DNAH17: variants seen among roughly 807,000 people sequenced by gnomAD.
DNAH17 encodes dynein axonemal heavy chain 17, also known as axonemal beta dynein heavy chain 17.
A neutral mutation model predicts 485.6 loss-of-function variants in DNAH17; 376 were observed. The ratio of observed to expected loss-of-function variants is 0.77; its 90% CI spans 0.71 to 0.84. The LOEUF (loss-of-function observed/expected upper bound fraction) is 0.84. DNAH17 is among the 40% of genes least tolerant of loss of function. The pLI is 0.00. For missense variants in DNAH17, 6,370 were observed against 5,839.3 expected, an observed-to-expected ratio of 1.09 and a Z score of -2.96; for synonymous variants, 3,031 against 2,405.9, an observed-to-expected ratio of 1.26 and a Z score of -7.60.
chr17:78,476,584 C>CT lies in DNAH17; in HGVS notation c.8141dup (p.Lys2715GlufsTer4). The CT allele has an allele frequency of 6.2e-7, 1 of 1,610,358 alleles. No individual in the cohort carries two copies. Among genetic ancestry groups the CT allele is most frequent in the Non-Finnish European group, 8.5e-7 (1 of 1,178,294 alleles). ...CAGCTTGACTTACATCAAAGAACTT[C>CT]TTGGTGGAGGCCATGGTGACTCTAT... On this transcript the variant is annotated frameshift_variant, in exon 52 of 81. Coordinates refer to ENST00000389840, the MANE Select transcript of DNAH17 (RefSeq NM_173628.4). LOFTEE classifies it high-confidence loss of function.
chr17:78,480,146 C>T (rs920876397), intron 49 of DNAH17, among the ~76,000 whole-genome samples: 7 of 145,540 alleles, frequency 4.8e-5, no homozygotes, highest in South Asian at 2.2e-4. Flanking sequence ...GTCAGAAGTT[C>T]GAGACCAGCC....
rs116303085 is a variant in DNAH17, at chr17:78,426,174, C to T, written c.12915+283G>A. Among the ~76,000 whole-genome samples the T allele has an allele frequency of 4.7e-3, 715 of 152,314 alleles. 10 individuals are homozygous for T. The highest frequency in any genetic ancestry group is 0.017 in the African/African-American group (686 of 41,560). On this transcript the variant is annotated intron_variant, in intron 79 of 80. Transcript: ENST00000389840. ...AAAGAGGCTCTTGCCTTCATTGCCT[C>T]GCTCCTTATAGAGGACGGCTTACCC...
intron 52 of DNAH17, 153 bp from the exon 53 acceptor site, chr17:78,475,986 GC>G: frequency 1.2e-6 from 1 of 834,158 alleles, no homozygotes; most frequent in Non-Finnish European, 1.8e-6. Context: ...GCTGCCGTGG[GC>G]CCAGCAAACC....
At position 78,458,433 on chromosome 17, in the gene DNAH17, C is replaced by T. The variant is rs565741091; in HGVS notation, c.9977+132G>A. ...CAAGTTTTATCCTAATTACTTTGAG[C>T]TCAAGAAGTGAAAGTGGCAACCTGG... On this transcript the variant is annotated intron_variant, in intron 62 of 80. Transcript: ENST00000389840. The T allele has an allele frequency of 3.5e-5, 25 of 722,768 alleles. No individual in the cohort carries two copies. In the South Asian group the frequency reaches 4.0e-4, roughly 12 times the overall value. The allele number at this position is 722,768 out of a possible 1,614,324, so 44.8% of individuals were successfully genotyped here.
rs2087469445 is a variant in DNAH17, at chr17:78,449,823, A to G, written c.11041-239T>C. On this transcript the variant is annotated intron_variant, in intron 68 of 80. Coordinates refer to ENST00000389840, the MANE Select transcript of DNAH17 (RefSeq NM_173628.4). ...CCTGCCTCAGCCTCCCAAGGCGCAC[A>G]CCACCACACCTGGCTAATTTTTTTT... 9 of 503,792 alleles carry G rather than the reference A, an allele frequency of 1.8e-5. No homozygotes were observed. In the Admixed American group the frequency reaches 2.3e-4, roughly 13 times the overall value. 31.2% of individuals were successfully genotyped at this position (503,792 alleles called of 1,614,324 possible).
Position 78,571,089 on chromosome 17 carries a change from C to A in DNAH17, c.833-56G>T, listed in dbSNP as rs959634921. 2.1e-5 allele frequency: 32 copies of A among 1,490,688 alleles called. No individual in the cohort carries two copies. The Admixed American group carries it at 5.3e-4, about 25-fold the overall frequency. 92.3% of individuals were successfully genotyped at this position (1,490,688 alleles called of 1,614,324 possible). On this transcript the variant is annotated intron_variant, in intron 5 of 80. Coordinates refer to ENST00000389840, the MANE Select transcript of DNAH17 (RefSeq NM_173628.4). ...TAAGAGAGCAGAAATTGCTCAGAAA[C>A]GATGAGGGTGCGGCTCCATGTGCTG...
At chr17:78,528,636 C>T (rs1319368820) in intron 22 of DNAH17, among the ~76,000 whole-genome samples, 15 of 152,036 alleles carry the variant, frequency 9.9e-5, no homozygotes, top group Admixed American at 9.8e-4. Context: ...CCAGGCCAGA[C>T]TCAAGAGATG....
In DNAH17 at chr17:78,493,607, C is replaced by A. The variant is rs182491943; in HGVS notation, c.6408+429G>T. On this transcript the variant is annotated intron_variant, in intron 41 of 80. Coordinates refer to ENST00000389840, the MANE Select transcript of DNAH17 (RefSeq NM_173628.4). ...TCAAACAATAGCAGAAGGGTCCAGC[C>A]TGTGGGCCTCTGGCCGGACACTTGG... is the stretch of plus-strand genomic sequence containing the variant. 1.1e-4 allele frequency among the ~76,000 whole-genome samples: 16 copies of A among 152,368 alleles called. No homozygotes were observed. The East Asian group carries it at 3.1e-3, about 29-fold the overall frequency.
At chr17:78,428,348 G>A (rs1223815556) in intron 77 of DNAH17, 177 bp downstream of exon 77, 1 of 733,542 alleles carries the variant, frequency 1.4e-6, no homozygotes, top group Non-Finnish European at 2.3e-6. Context: ...CACGTCTGAG[G>A]ACCTGCTGAC....
chr17:78,456,671 T>A (rs2146515108), intron 62 of DNAH17, among the ~76,000 whole-genome samples: 1 of 152,352 alleles, frequency 6.6e-6, no homozygotes, highest in Non-Finnish European at 1.5e-5. Context: ...CTGAAAGTGT[T>A]GGCATGTTTG....
At chr17:78,498,168 T>C (rs2090141212) in intron 37 of DNAH17, among the ~76,000 whole-genome samples, 1 of 149,766 alleles carries the variant, frequency 6.7e-6, no homozygotes, top group Admixed American at 6.6e-5. Flanking sequence ...AATAAATAAA[T>C]AAATAAATAA....
At chr17:78,465,426 G>A (rs1429968420) in intron 56 of DNAH17, among the ~76,000 whole-genome samples, 1 of 145,372 alleles carries the variant, frequency 6.9e-6, no homozygotes, top group African/African-American at 2.6e-5. Context: ...CTGCCTGGCT[G>A]CCCAGTCTGG....
chr17:78,462,841 T>C lies in DNAH17; in HGVS notation c.9174+3A>G, dbSNP rs1453314612. The C allele has an allele frequency of 1.9e-6, 3 of 1,613,860 alleles. No homozygotes were observed. The highest frequency in any genetic ancestry group is 2.2e-5 in the East Asian group (1 of 44,878). On this transcript the variant is annotated splice_donor_region_variant and intron_variant, in intron 57 of 80. Coordinates refer to ENST00000389840, the MANE Select transcript of DNAH17 (RefSeq NM_173628.4). ...GAGCTGGCAGCCAGCCCCCCTCTCC[T>C]ACCTGGGAAGCCGTGCTCTGCAGCT...
chr17:78,439,154 T>A lies in DNAH17; in HGVS notation c.11741A>T (p.Gln3914Leu). Residue 3914 changes from glutamine (Q) to leucine (L), a missense_variant, in exon 73 of 81, where the codon CAA becomes CTA. Gln to Leu is a moderately radical substitution (Grantham distance 113, BLOSUM62 -2). Coordinates refer to ENST00000389840, the MANE Select transcript of DNAH17 (RefSeq NM_173628.4). ...KLHNVSLGQG[Q>L]EVVAENALDV... is the part of the protein sequence containing the mutation. The stretch of plus-strand genomic sequence containing the variant: ...CAGGGCGTTCTCAGCCACCACCTCT[T>A]GTCCCTGCCCCAGGGACACATTATG... 6.2e-7 allele frequency: 1 copy of A among 1,613,698 alleles called. No homozygotes were observed. Among genetic ancestry groups the A allele is most frequent in the Non-Finnish European group, 8.5e-7 (1 of 1,179,832 alleles).
rs139213414 is a variant in DNAH17 at position 78,425,497 on chromosome 17, C to T, written c.12990G>A (p.Ser4330=). The change falls in exon 80 of 81, where the codon TCG becomes TCA. Residue 4330 remains serine, a synonymous_variant. Coordinates refer to ENST00000389840, the MANE Select transcript of DNAH17 (RefSeq NM_173628.4). ...TGGACTGCATGATGGCCGTGAGGAA[C>T]GACTGGGGGTTGAAGAAGCCGGCCA... is the stretch of plus-strand genomic sequence containing the variant. ...VWLAGFFNPQ[S]FLTAIMQSMA... 7.9e-5 allele frequency: 127 copies of T among 1,613,818 alleles called. 1 individual carries two copies. In the Middle Eastern group the frequency reaches 8.3e-4, roughly 10 times the overall value.
chr17:78,527,954 T>G (rs1352845400), intron 22 of DNAH17, among the ~76,000 whole-genome samples: 1 of 151,862 alleles, frequency 6.6e-6, no homozygotes, highest in East Asian at 1.9e-4. Context: ...AATTTTTAAA[T>G]TTTTAGTAGA....
At chr17:78,460,298 C>A (rs1010713945) in intron 58 of DNAH17, 41 bp from the exon 59 acceptor site, 2 of 1,435,532 alleles carry the variant, frequency 1.4e-6, no homozygotes, top group African/African-American at 1.6e-5. Flanking sequence ...GCAGGCCTGT[C>A]CATGTGCCTG....
At chr17:78,482,251 C>A (rs974410554) in intron 48 of DNAH17, among the ~76,000 whole-genome samples, 6 of 151,910 alleles carry the variant, frequency 3.9e-5, no homozygotes, top group African/African-American at 1.5e-4. Context: ...CACTATATGA[C>A]CTGGGTTCAA....
intron 70 of DNAH17, 43 bp downstream of exon 70, chr17:78,445,515 C>G (rs187487956): frequency 6.5e-7 from 1 of 1,548,016 alleles, no homozygotes; most frequent in East Asian, 2.4e-5. Context: ...GGGGGCTCCA[C>G]GGCGGGGAGA....
Sources: allele counts gnomAD v4.1 joint callset (sites outside exome capture counted in the v4.1 genomes callset), GRCh38; gene constraint gnomAD v4.1.1; transcripts MANE v1.5; gene names NCBI Gene and HGNC (gene_info 2026-07-23, HGNC 2026-07-21).